The following NRTN variants were observed in gnomAD, a reference collection of about 807,000 sequenced individuals.
NRTN encodes neurturin, also known as prepro-neurturin.
A neutral mutation model predicts 7.5 loss-of-function variants in NRTN; 3 were observed. That is an observed-to-expected ratio of 0.40 (90% CI 0.18 to 1.03). The LOEUF (loss-of-function observed/expected upper bound fraction) is 1.03. Among genes scored for constraint, NRTN ranks in the 50% least tolerant of loss-of-function variants. NRTN has a pLI of 0.34. For missense variants in NRTN, 310 were observed against 307.0 expected, an observed-to-expected ratio of 1.01 and a Z score of -0.07; for synonymous variants, 157 against 146.6, an observed-to-expected ratio of 1.07 and a Z score of -0.51.
At position 5,806,639 on chromosome 19, in the gene NRTN, C is replaced by CA; in HGVS notation, c.-399+1189dup. On this transcript the variant is annotated intron_variant, in intron 1 of 2. Transcript: ENST00000303212. The surrounding 1 kb of genome is among the most constrained non-coding windows in gnomAD (Gnocchi z 5.4). ...TTTGGACACCCCTCCCTCCTCCCTT[C>CA]ATCCTAAGACTCCCGAGGTTCATAG... is the stretch of plus-strand genomic sequence containing the variant. Among the ~76,000 whole-genome samples the CA allele has an allele frequency of 6.6e-6, 1 of 152,154 alleles. No individual in the cohort carries two copies. The highest frequency in any genetic ancestry group is 1.9e-4 in the East Asian group (1 of 5,194).
In NRTN at chr19:5,817,616, GAA is replaced by G. The variant is rs199781447; in HGVS notation, c.-398-6150_-398-6149del. Among the ~76,000 whole-genome samples the G allele has an allele frequency of 4.2e-3, 435 of 103,828 alleles. 2 individuals are homozygous for G. The highest frequency in any genetic ancestry group is 0.017 in the African/African-American group (412 of 24,270). The allele number at this position is 103,828 out of a possible 152,430, so 68.1% of individuals were successfully genotyped here. A position where few individuals can be genotyped will look rare whatever the true frequency, so the allele number is the denominator to read the frequency against. ...AGGAAGGAAGGGAGGGAGAGAGAGA[GAA>G]AGAAAAAGAAGAAGGCAGGCAGGCA... On this transcript the variant is annotated intron_variant, in intron 1 of 2. Transcript: ENST00000303212.
At position 5,827,613 on chromosome 19, in the gene NRTN, G is replaced by A. The variant is rs1200978533; in HGVS notation, c.170-136G>A. On this transcript the variant is annotated intron_variant, in intron 2 of 2. Coordinates refer to ENST00000303212, the MANE Select transcript of NRTN (RefSeq NM_004558.5). Reference sequence around the variant, plus strand: ...AGAGGGTGGGGAAATTTGGGACCTGGGAGTGAGACGAGAAGCCGTCTAGGC... The same window carrying A: ...AGAGGGTGGGGAAATTTGGGACCTGAGAGTGAGACGAGAAGCCGTCTAGGC... The A allele has an allele frequency of 3.0e-5, 9 of 296,720 alleles. No individual in the cohort carries two copies. The East Asian group carries it at 8.6e-4, about 28-fold the overall frequency. 18.4% of individuals were successfully genotyped at this position (296,720 alleles called of 1,614,324 possible).
intron 1 of NRTN, among the ~76,000 whole-genome samples, chr19:5,821,773 G>GC (rs1014538454): frequency 3.3e-5 from 5 of 152,134 alleles, no homozygotes; most frequent in African/African-American, 1.2e-4. Flanking sequence ...TTGTTTAGAT[G>GC]CCCTCACGTT....
In NRTN at chr19:5,827,984, G is replaced by A. The variant is rs560928934; in HGVS notation, c.405G>A (p.Glu135=). 2.7e-6 allele frequency: 4 copies of A among 1,464,980 alleles called. No individual in the cohort carries two copies. Among genetic ancestry groups the A allele is most frequent in the African/African-American group, 1.5e-5 (1 of 68,782 alleles). The allele number at this position is 1,464,980 out of a possible 1,614,324, so 90.7% of individuals were successfully genotyped here. A position where few individuals can be genotyped will look rare whatever the true frequency, so the allele number is the denominator to read the frequency against. ...VLFRYCAGAC[E]AAARVYDLGL... is the part of the protein sequence containing the mutation. ...TCCGCTACTGCGCAGGCGCCTGCGAGGCTGCCGCGCGCGTCTACGACCTCG... is the reference window on the plus strand; with the variant it reads ...TCCGCTACTGCGCAGGCGCCTGCGAAGCTGCCGCGCGCGTCTACGACCTCG... The change falls in exon 3 of 3, where the codon GAG becomes GAA. Residue 135 remains glutamate (E), a synonymous_variant. Coordinates refer to ENST00000303212, the MANE Select transcript of NRTN (RefSeq NM_004558.5).
chr19:5,825,295 C>T (rs1367261839), intron 2 of NRTN, among the ~76,000 whole-genome samples: 4 of 152,106 alleles, frequency 2.6e-5, no homozygotes, highest in South Asian at 2.1e-4. Flanking sequence ...GAGGGTGGTG[C>T]GTGGGCCCTG....
At chr19:5,812,737 G>A (rs1449339285) in intron 1 of NRTN, among the ~76,000 whole-genome samples, 1 of 152,200 alleles carries the variant, frequency 6.6e-6, no homozygotes, top group East Asian at 1.9e-4. Flanking sequence ...CAGACCCCTG[G>A]CCAAGTCTTG....
chr19:5,809,347 T>G (rs999529748), intron 1 of NRTN, among the ~76,000 whole-genome samples: 2 of 151,564 alleles, frequency 1.3e-5, no homozygotes, highest in African/African-American at 4.9e-5. Flanking sequence ...ATTTTAAAAT[T>G]TTTTGTAGAG....
chr19:5,822,457 C>T (rs1022076539), intron 1 of NRTN, among the ~76,000 whole-genome samples: 5 of 152,236 alleles, frequency 3.3e-5, no homozygotes, highest in South Asian at 2.1e-4. Flanking sequence ...GGCCGCGGGA[C>T]GCTCGGGAGG....
intron 1 of NRTN, among the ~76,000 whole-genome samples, chr19:5,822,427 G>T (rs1363881006): frequency 6.6e-6 from 1 of 152,256 alleles, no homozygotes; most frequent in East Asian, 1.9e-4. Context: ...CCGGGAGGGG[G>T]AATGTAAACT....
rs113685693 is a variant in NRTN, at chr19:5,810,821, T to C, written c.-399+5370T>C. Among the ~76,000 whole-genome samples, 15 of 149,264 alleles carry C rather than the reference T, an allele frequency of 1.0e-4. No individual in the cohort carries two copies. In the South Asian group the frequency reaches 1.7e-3, roughly 17 times the overall value. ...GCTCGTGCCTGTAATCCCAGCTACTTGGGAGGCTGAGACAGGAGAATCGCT... is the reference window on the plus strand; with the variant it reads ...GCTCGTGCCTGTAATCCCAGCTACTCGGGAGGCTGAGACAGGAGAATCGCT... On this transcript the variant is annotated intron_variant, in intron 1 of 2. Coordinates refer to ENST00000303212, the MANE Select transcript of NRTN (RefSeq NM_004558.5).
intron 1 of NRTN, among the ~76,000 whole-genome samples, chr19:5,816,842 A>G (rs2057006512): frequency 6.6e-6 from 1 of 152,216 alleles, no homozygotes; most frequent in Admixed American, 6.5e-5. Flanking sequence ...TGAAGGTGGA[A>G]GCGTCCAAGT....
chr19:5,810,117 A>T (rs529847439), intron 1 of NRTN, among the ~76,000 whole-genome samples: 1 of 151,874 alleles, frequency 6.6e-6, no homozygotes, highest in Non-Finnish European at 1.5e-5. Flanking sequence ...TACAAAAAAA[A>T]TTAGCTGGGC....
At chr19:5,809,737 G>A (rs1421524209) in intron 1 of NRTN, among the ~76,000 whole-genome samples, 2 of 152,056 alleles carry the variant, frequency 1.3e-5, no homozygotes, top group Non-Finnish European at 2.9e-5. Flanking sequence ...GCCTTTTACT[G>A]GCTGGATCTG....
intron 1 of NRTN, among the ~76,000 whole-genome samples, chr19:5,809,176 T>G (rs2056982668): frequency 6.6e-6 from 1 of 151,262 alleles, no homozygotes; most frequent in Non-Finnish European, 1.5e-5. Context: ...CTGAGTTTTT[T>G]TTTTTTTTTT....
chr19:5,811,839 C>T (rs1430131211), intron 1 of NRTN, among the ~76,000 whole-genome samples: 1 of 151,544 alleles, frequency 6.6e-6, no homozygotes, highest in Non-Finnish European at 1.5e-5. Context: ...CTGTGAGCCA[C>T]CGCACCCGGC....
intron 1 of NRTN, among the ~76,000 whole-genome samples, chr19:5,808,252 C>T (rs1279318605): frequency 6.6e-6 from 1 of 152,172 alleles, no homozygotes; most frequent in Non-Finnish European, 1.5e-5. Context: ...CCCGGAGGAC[C>T]CATGTCGCTC....
chr19:5,828,220 G>A lies in NRTN; in HGVS notation c.*47G>A, dbSNP rs76231074. On this transcript the variant is annotated 3_prime_UTR_variant, in exon 3 of 3. Transcript: ENST00000303212. The stretch of plus-strand genomic sequence containing the variant: ...CGGCGGCCACTCCCCCCGCCTCGAC[G>A]GCACCACTGGCCGGCCCCGCGAAAG... 0.011 allele frequency: 16,721 copies of A among 1,523,664 alleles called. 1,621 individuals are homozygous for A. In the African/African-American group the frequency reaches 0.21, roughly 19 times the overall value. 94.4% of individuals were successfully genotyped at this position (1,523,664 alleles called of 1,614,324 possible).
chr19:5,811,447 A>T (rs1389720357), intron 1 of NRTN, among the ~76,000 whole-genome samples: 1 of 152,204 alleles, frequency 6.6e-6, no homozygotes, highest in Admixed American at 6.5e-5. Flanking sequence ...TGGGGATAAA[A>T]TAGTCCATAC....
intron 1 of NRTN, among the ~76,000 whole-genome samples, chr19:5,813,935 G>A (rs1031620643): frequency 3.3e-5 from 5 of 152,090 alleles, no homozygotes; most frequent in East Asian, 1.9e-4. Context: ...TTGAACCTGA[G>A]AAGCAGAGGT....
Sources: gnomAD v4.1 joint callset for allele counts (sites outside exome capture counted in the v4.1 genomes callset) on GRCh38, gnomAD v4.1.1 for gene constraint, Gnocchi (gnomAD v3.1) non-coding constraint, MANE v1.5 for transcripts, NCBI Gene and HGNC (gene_info 2026-07-23, HGNC 2026-07-21) for gene names.